The following ERBB4 variants were observed in gnomAD, a reference collection of about 807,000 sequenced individuals.
ERBB4 encodes erb-b2 receptor tyrosine kinase 4, also known as receptor tyrosine-protein kinase erbB-4.
Under a neutral mutation model 158.0 loss-of-function variants are expected in ERBB4, and 42 were observed. The observed-to-expected ratio is 0.27, with a 90% CI of 0.21 to 0.34. The LOEUF (loss-of-function observed/expected upper bound fraction) is 0.34, where lower values mean the gene tolerates loss of function less well. Among genes scored for constraint, ERBB4 ranks in the 10% least tolerant of loss-of-function variants. The pLI, the probability that ERBB4 is intolerant of heterozygous loss-of-function variation, is 1.00. For missense variants in ERBB4, 1,333 were observed against 1,624.1 expected, an observed-to-expected ratio of 0.82 and a Z score of 3.08; for synonymous variants, 583 against 558.7, an observed-to-expected ratio of 1.04 and a Z score of -0.61.
intron 1 of ERBB4, among the ~76,000 whole-genome samples, chr2:212,304,083 G>A (rs1481880693): frequency 6.6e-5 from 10 of 151,442 alleles, no homozygotes; most frequent in Admixed American, 4.6e-4. Flanking sequence ...CAAACTATAC[G>A]TATACCAGCA....
chr2:212,208,735 A>G (rs2082841330), intron 1 of ERBB4, among the ~76,000 whole-genome samples: 1 of 152,204 alleles, frequency 6.6e-6, no homozygotes, highest in Non-Finnish European at 1.5e-5. Context: ...GCCAATAACA[A>G]TTATGTCAAT....
intron 2 of ERBB4, among the ~76,000 whole-genome samples, chr2:212,085,357 C>A (rs529707362): frequency 6.6e-6 from 1 of 151,872 alleles, no homozygotes; most frequent in African/African-American, 2.4e-5. Flanking sequence ...TTTCATGAAT[C>A]TTAGAGATAA....
intron 13 of ERBB4, among the ~76,000 whole-genome samples, 199 bp downstream of exon 13, chr2:211,678,853 G>A (rs1339114197): frequency 6.7e-6 from 1 of 150,224 alleles, no homozygotes; most frequent in Non-Finnish European, 1.5e-5. Context: ...TGTAATCCCA[G>A]CTACTTGGGA....
intron 1 of ERBB4, among the ~76,000 whole-genome samples, chr2:212,264,162 A>G (rs2085046235): frequency 6.6e-6 from 1 of 152,146 alleles, no homozygotes; most frequent in Admixed American, 6.6e-5. Context: ...GTAATGGACT[A>G]CCAAGCAATC....
intron 1 of ERBB4, among the ~76,000 whole-genome samples, chr2:212,197,637 C>T (rs894627959): frequency 6.6e-6 from 1 of 152,140 alleles, no homozygotes; most frequent in Non-Finnish European, 1.5e-5. Flanking sequence ...GATAGTGTCA[C>T]AAATGCCACT....
chr2:212,143,263 T>C (rs1043201311), intron 1 of ERBB4, among the ~76,000 whole-genome samples: 3 of 152,182 alleles, frequency 2.0e-5, no homozygotes, highest in Non-Finnish European at 2.9e-5. Flanking sequence ...CACCTGGAGT[T>C]GCACCTAACA....
At chr2:212,165,972 A>G (rs937124393) in intron 1 of ERBB4, among the ~76,000 whole-genome samples, 15 of 152,190 alleles carry the variant, frequency 9.9e-5, no homozygotes, top group Middle Eastern at 6.8e-3. Context: ...TTACAACAAT[A>G]TGTACTGATA....
intron 2 of ERBB4, among the ~76,000 whole-genome samples, chr2:212,028,589 T>C (rs1423027969): frequency 1.3e-5 from 2 of 152,112 alleles, no homozygotes; most frequent in African/African-American, 4.8e-5. Context: ...CAGGTTTTAA[T>C]GGTCAGCTAC....
At chr2:212,190,896 G>A (rs1251510084) in intron 1 of ERBB4, among the ~76,000 whole-genome samples, 1 of 151,930 alleles carries the variant, frequency 6.6e-6, no homozygotes, top group Admixed American at 6.6e-5. Context: ...ATTGTATTTT[G>A]AAAACACACA....
At chr2:212,150,716 G>A (rs1238373815) in intron 1 of ERBB4, among the ~76,000 whole-genome samples, 1 of 152,020 alleles carries the variant, frequency 6.6e-6, no homozygotes, top group East Asian at 1.9e-4. Flanking sequence ...GCTTGGTTTG[G>A]CTGTGCAAAA....
chr2:211,569,579 G>T (rs2067652881), intron 19 of ERBB4, among the ~76,000 whole-genome samples: 1 of 152,176 alleles, frequency 6.6e-6, no homozygotes, highest in African/African-American at 2.4e-5. Context: ...GGTGGTCGCA[G>T]AGCTACTTTA....
chr2:212,063,616 A>G (rs958056923), intron 2 of ERBB4, among the ~76,000 whole-genome samples: 7 of 151,920 alleles, frequency 4.6e-5, no homozygotes, highest in South Asian at 2.1e-4. Flanking sequence ...AACCATAGGG[A>G]AAAAAAATGA....
At chr2:211,778,667 A>C (rs1198385211) in intron 4 of ERBB4, 2 of 152,126 alleles carry the variant, frequency 1.3e-5, no homozygotes, top group Non-Finnish European at 2.9e-5. Flanking sequence ...TTAGCAGGAA[A>C]CCTAGCACAT....
intron 8 of ERBB4, among the ~76,000 whole-genome samples, chr2:211,712,586 C>A (rs1423233836): frequency 6.6e-6 from 1 of 151,908 alleles, no homozygotes; most frequent in Non-Finnish European, 1.5e-5. Context: ...GATTTCATGG[C>A]CTACATACTA....
At chr2:212,238,264 C>G (rs1032825334) in intron 1 of ERBB4, among the ~76,000 whole-genome samples, 2 of 152,186 alleles carry the variant, frequency 1.3e-5, no homozygotes, top group African/African-American at 4.8e-5. Context: ...GAAAAGCATG[C>G]ATTTGGGCCG....
At chr2:211,518,129 G>A (rs1023171408) in intron 20 of ERBB4, among the ~76,000 whole-genome samples, 2 of 151,850 alleles carry the variant, frequency 1.3e-5, no homozygotes, top group African/African-American at 4.8e-5. Flanking sequence ...TATGGACTAA[G>A]GACGTGAGGT....
chr2:212,284,343 G>T (rs181877188), intron 1 of ERBB4, among the ~76,000 whole-genome samples: 41 of 152,146 alleles, frequency 2.7e-4, no homozygotes, highest in Non-Finnish European at 5.0e-4. Context: ...ATTAGCTCTT[G>T]ATAGATCTGC....
intron 20 of ERBB4, among the ~76,000 whole-genome samples, chr2:211,536,516 G>A (rs1255147620): frequency 6.6e-6 from 1 of 151,986 alleles, no homozygotes; most frequent in African/African-American, 2.4e-5. Flanking sequence ...TCCAGGCCCT[G>A]GAGTCCAGAG....
intron 2 of ERBB4, among the ~76,000 whole-genome samples, chr2:212,010,479 C>G (rs943002567): frequency 5.9e-5 from 9 of 152,080 alleles, no homozygotes; most frequent in African/African-American, 2.2e-4. Context: ...ACAAAGATCA[C>G]ATGCTTCAAA....
Sources: gnomAD v4.1 joint callset for allele counts (sites outside exome capture counted in the v4.1 genomes callset) on GRCh38, gnomAD v4.1.1 for gene constraint, MANE v1.5 for transcripts, NCBI Gene and HGNC (gene_info 2026-07-23, HGNC 2026-07-21) for gene names.